PEAK1: variants seen among roughly 807,000 people sequenced by gnomAD.
The protein encoded by PEAK1 is inactive tyrosine-protein kinase PEAK1.
Under a neutral mutation model 124.7 loss-of-function variants are expected in PEAK1, and 54 were observed. The observed-to-expected ratio is 0.43, with a 90% CI of 0.35 to 0.54. PEAK1 has a LOEUF of 0.54. Ranked by LOEUF, PEAK1 falls within the 20% of genes least tolerant of loss-of-function variation. The pLI, the probability that PEAK1 is intolerant of heterozygous loss-of-function variation, is 0.01. For synonymous variants in PEAK1, 719 were observed against 760.0 expected (o/e 0.95, Z 0.89); for missense variants, 2,046 against 2,134.5 (o/e 0.96, Z 0.82).
rs915195573 is a variant in PEAK1, at chr15:77,357,948, T to C, written c.-603+7215A>G. 2.0e-5 allele frequency among the ~76,000 whole-genome samples: 3 copies of C among 152,186 alleles called. No homozygotes were observed. In the East Asian group the frequency reaches 5.8e-4, roughly 29 times the overall value. On this transcript the variant is annotated intron_variant, in intron 2 of 9. Transcript: ENST00000682557. ...ATCCCGTATCTCAGTCCTGTTGCCTTTTCCCACATAGCCAAGCCAAGGACC... is the reference window on the plus strand; with the variant it reads ...ATCCCGTATCTCAGTCCTGTTGCCTCTTCCCACATAGCCAAGCCAAGGACC...
rs966282679 is a variant in PEAK1 at position 77,110,425 on chromosome 15, T to A, written c.*3731A>T. 1 of 152,178 alleles carries A rather than the reference T, an allele frequency of 6.6e-6. No homozygotes were observed. Among genetic ancestry groups the A allele is most frequent in the African/African-American group, 2.4e-5 (1 of 41,434 alleles). The allele number at this position is 152,178 out of a possible 1,614,324, so 9.4% of individuals were successfully genotyped here. A position where few individuals can be genotyped will look rare whatever the true frequency, so the allele number is the denominator to read the frequency against. ...TTCATACTACTAGAAACTTTTAAGATATAATTTTTAGTAGTTTTACTCCCA... is the reference window on the plus strand; with the variant it reads ...TTCATACTACTAGAAACTTTTAAGAAATAATTTTTAGTAGTTTTACTCCCA... On this transcript the variant is annotated 3_prime_UTR_variant, in exon 10 of 10. Transcript: ENST00000682557.
intron 5 of PEAK1, among the ~76,000 whole-genome samples, chr15:77,269,086 C>A (rs2061888736): frequency 6.6e-6 from 1 of 150,904 alleles, no homozygotes. Flanking sequence ...CTCACAGGAC[C>A]TATAAAACAA....
chr15:77,410,434 T>TTTTTACAAA (rs2072314514), intron 1 of PEAK1, among the ~76,000 whole-genome samples: 2 of 152,172 alleles, frequency 1.3e-5, no homozygotes, highest in Non-Finnish European at 2.9e-5. Flanking sequence ...TGTGATCATG[T>TTTTTACAAA]TTTTACAAAG....
chr15:77,261,213 G>A (rs983706720), intron 5 of PEAK1, among the ~76,000 whole-genome samples: 3 of 152,102 alleles, frequency 2.0e-5, no homozygotes, highest in South Asian at 2.1e-4. Flanking sequence ...AAATCAGAGC[G>A]CCTCTCCTCC....
At chr15:77,217,309 T>C (rs1350855811) in intron 6 of PEAK1, among the ~76,000 whole-genome samples, 1 of 148,818 alleles carries the variant, frequency 6.7e-6, no homozygotes, top group African/African-American at 2.5e-5. Context: ...GTGGAAATGG[T>C]CCATTCAAAG....
chr15:77,400,508 C>A (rs2071280187), intron 1 of PEAK1, among the ~76,000 whole-genome samples: 1 of 151,946 alleles, frequency 6.6e-6, no homozygotes, highest in Admixed American at 6.5e-5. Flanking sequence ...ACATATGCAA[C>A]AACATGGATG....
rs187618447 is a variant in PEAK1 at position 77,266,021 on chromosome 15, A to G, written c.-274-13495T>C. ...TATCACAAGAAAAACCAAACACCGC[A>G]TATTCTCACTCATAGGTGGGAACTG... On this transcript the variant is annotated intron_variant, in intron 5 of 9. Transcript: ENST00000682557. Among the ~76,000 whole-genome samples the G allele has an allele frequency of 3.0e-4, 46 of 152,116 alleles. No homozygotes were observed. The East Asian group carries it at 8.9e-3, about 29-fold the overall frequency.
In PEAK1 at chr15:77,150,758, T is replaced by C. The variant is rs554314856; in HGVS notation, c.3331+7745A>G. ...ATTCCCACCTATGAGTGAGAACATGTGGTGTTTGGTATTTTGTCCTTGCAA... is the reference window on the plus strand; with the variant it reads ...ATTCCCACCTATGAGTGAGAACATGCGGTGTTTGGTATTTTGTCCTTGCAA... On this transcript the variant is annotated intron_variant, in intron 8 of 9. Coordinates refer to ENST00000682557, the MANE Select transcript of PEAK1 (RefSeq NM_001385026.1). 7.9e-4 allele frequency among the ~76,000 whole-genome samples: 117 copies of C among 149,000 alleles called. 1 individual carries two copies. Among genetic ancestry groups the C allele is most frequent in the African/African-American group, 2.8e-3 (113 of 40,518 alleles).
At position 77,158,578 on chromosome 15, in the gene PEAK1, C is replaced by G; in HGVS notation, c.3256G>C (p.Glu1086Gln). 1 of 1,614,154 alleles carries G rather than the reference C, an allele frequency of 6.2e-7. No individual in the cohort carries two copies. The highest frequency in any genetic ancestry group is 1.6e-4 in the Middle Eastern group (1 of 6,062). The change falls in exon 8 of 10, where the codon GAA becomes CAA. Residue 1086 changes from glutamate to glutamine, a missense_variant. Transcript: ENST00000682557. Reference protein sequence around the residue: ...VTTALSLPELEREDGKEDISD... With the variant: ...VTTALSLPELQREDGKEDISD... ...ATGTCTTCTTTTCCATCTTCCCTTT[C>G]CAGTTCAGGTAGGGACAATGCTGTT...
chr15:77,277,820 T>G (rs1002649088), intron 5 of PEAK1, among the ~76,000 whole-genome samples: 4 of 151,400 alleles, frequency 2.6e-5, no homozygotes, highest in Admixed American at 6.6e-5. Context: ...ATGGAGAGAG[T>G]AAAAGGTTCA....
intron 9 of PEAK1, among the ~76,000 whole-genome samples, chr15:77,131,588 T>A (rs1428946597): frequency 1.3e-5 from 2 of 152,220 alleles, no homozygotes; most frequent in African/African-American, 4.8e-5. Flanking sequence ...TGGAGCTTCA[T>A]TTTCCTCATA....
At chr15:77,349,285 C>T (rs1029840771) in intron 2 of PEAK1, 10 of 733,706 alleles carry the variant, frequency 1.4e-5, no homozygotes, top group East Asian at 1.3e-4. Context: ...ACGATCTGCC[C>T]GCCTCGGCCT....
At chr15:77,218,837 A>G (rs964318540) in intron 6 of PEAK1, among the ~76,000 whole-genome samples, 1 of 152,070 alleles carries the variant, frequency 6.6e-6, no homozygotes, top group African/African-American at 2.4e-5. Flanking sequence ...GGCCATTGCT[A>G]CCCATTTCAC....
chr15:77,388,035 T>C (rs1225661032), intron 1 of PEAK1, among the ~76,000 whole-genome samples: 1 of 152,060 alleles, frequency 6.6e-6, no homozygotes, highest in East Asian at 1.9e-4. Flanking sequence ...TAAGTATATA[T>C]AGCTGAAATT....
At chr15:77,208,656 TA>T (rs2058771022) in intron 6 of PEAK1, among the ~76,000 whole-genome samples, 1 of 152,090 alleles carries the variant, frequency 6.6e-6, no homozygotes, top group African/African-American at 2.4e-5. Context: ...TCTGCCAAAG[TA>T]AAAAAGCTAG....
chr15:77,420,796 TA>T (rs1320241517), upstream of PEAK1: 4 of 398,322 alleles, frequency 1.0e-5, no homozygotes, highest in Non-Finnish European at 1.3e-5. Flanking sequence ...TGCTATGCGG[TA>T]AGAGGAGTTA....
intron 5 of PEAK1, among the ~76,000 whole-genome samples, chr15:77,257,997 T>A (rs2061250615): frequency 6.6e-6 from 1 of 152,214 alleles, no homozygotes; most frequent in Admixed American, 6.5e-5. Context: ...CCTTTCCCCA[T>A]TGCTTGTTTT....
In PEAK1 at chr15:77,270,478, C is replaced by A. The variant is rs1193198291; in HGVS notation, c.-275+13405G>T. ...CAAAAATCATAAGCATTCTTATACACCAATAACAGACAAACAGAGAGCCAA... is the reference window on the plus strand; with the variant it reads ...CAAAAATCATAAGCATTCTTATACAACAATAACAGACAAACAGAGAGCCAA... On this transcript the variant is annotated intron_variant, in intron 5 of 9. Transcript: ENST00000682557. 2.0e-5 allele frequency among the ~76,000 whole-genome samples: 3 copies of A among 152,230 alleles called. No homozygotes were observed. The East Asian group carries it at 5.8e-4, about 29-fold the overall frequency.
At position 77,223,383 on chromosome 15, in the gene PEAK1, A is replaced by G. The variant is rs568714177; in HGVS notation, c.-115+28984T>C. ...CATGTTTAGTAGAGTTTTACCTTAG[A>G]GTAATCAGAGCCAAGATATGTTTTG... On this transcript the variant is annotated intron_variant, in intron 6 of 9. Coordinates refer to ENST00000682557, the MANE Select transcript of PEAK1 (RefSeq NM_001385026.1). Among the ~76,000 whole-genome samples, 8 of 152,138 alleles carry G rather than the reference A, an allele frequency of 5.3e-5. No homozygotes were observed. In the South Asian group the frequency reaches 1.5e-3, roughly 28 times the overall value.
Sources: gnomAD v4.1 joint callset for allele counts (sites outside exome capture counted in the v4.1 genomes callset) on GRCh38, gnomAD v4.1.1 for gene constraint, MANE v1.5 for transcripts, NCBI Gene and HGNC (gene_info 2026-07-23, HGNC 2026-07-21) for gene names.